The following TRIM6 variants were observed in gnomAD, a reference collection of about 807,000 sequenced individuals.
TRIM6 encodes the protein tripartite motif-containing protein 6.
A neutral mutation model predicts 51.2 loss-of-function variants in TRIM6; 43 were observed. That is an observed-to-expected ratio of 0.84 (90% CI 0.66 to 1.08). The LOEUF (loss-of-function observed/expected upper bound fraction) is 1.08, where lower values mean the gene tolerates loss of function less well. Among genes scored for constraint, TRIM6 ranks in the 50% least tolerant of loss-of-function variants. The pLI, the probability that TRIM6 is intolerant of heterozygous loss-of-function variation, is 0.00. For missense variants in TRIM6, 669 were observed against 619.0 expected, an observed-to-expected ratio of 1.08 and a Z score of -0.86; for synonymous variants, 215 against 232.4, an observed-to-expected ratio of 0.93 and a Z score of 0.68.
upstream of TRIM6, chr11:5,596,522 C>CCCCACTT (rs1847461152): frequency 1.0e-4 from 3 of 29,278 alleles, no homozygotes; most frequent in East Asian, 3.1e-3. Flanking sequence ...TTCTCCCCTT[C>CCCCACTT]CCCCCTTCCC....
intron 1 of TRIM6, among the ~76,000 whole-genome samples, chr11:5,601,802 T>G (rs946601133): frequency 6.6e-6 from 1 of 152,022 alleles, no homozygotes; most frequent in Admixed American, 6.5e-5. Context: ...GCCATTGCTG[T>G]TTCTTTGGTT....
Position 5,603,512 on chromosome 11 carries a change from A to G in TRIM6, c.284A>G (p.Asn95Ser). Residue 95 changes from asparagine to serine, a missense_variant, in exon 2 of 8, where the codon AAC becomes AGC. Coordinates refer to ENST00000380097, the MANE Select transcript of TRIM6 (RefSeq NM_001003818.3). ...TGCCAGACCAGCTACCAGCCAGGGA[A>G]CCTGCGGCCTAATCGGCATCTGGCC... ...PVCQTSYQPG[N>S]LRPNRHLANI... is the part of the protein sequence containing the mutation. The G allele has an allele frequency of 1.2e-6, 2 of 1,614,050 alleles. No individual in the cohort carries two copies. Among genetic ancestry groups the G allele is most frequent in the Non-Finnish European group, 1.7e-6 (2 of 1,179,966 alleles).
At chr11:5,604,852 A>G (rs940837904) in intron 3 of TRIM6, 8 of 505,582 alleles carry the variant, frequency 1.6e-5, no homozygotes, top group Non-Finnish European at 2.4e-5. Context: ...TAGCAGAGGA[A>G]CCATGGCTAG....
At chr11:5,608,679 A>G (rs566377089) in intron 5 of TRIM6, among the ~76,000 whole-genome samples, 5 of 151,986 alleles carry the variant, frequency 3.3e-5, no homozygotes, top group South Asian at 4.2e-4. Flanking sequence ...AGACAAAGGG[A>G]GACTCTGCCT....
intron 1 of TRIM6, among the ~76,000 whole-genome samples, chr11:5,602,541 G>A (rs1388108670): frequency 6.6e-6 from 1 of 151,940 alleles, no homozygotes; most frequent in African/African-American, 2.4e-5. Flanking sequence ...AAGCTAGTAA[G>A]TCATGCAGAT....
At chr11:5,605,189 CA>C in intron 3 of TRIM6, 147 bp from the exon 4 acceptor site, 1 of 1,072,524 alleles carries the variant, frequency 9.3e-7, no homozygotes, top group Non-Finnish European at 1.4e-6. Flanking sequence ...GAACAGGCTA[CA>C]AAGGCTTTCT....
At chr11:5,602,939 G>C (rs1418225953) in intron 1 of TRIM6, among the ~76,000 whole-genome samples, 1 of 152,150 alleles carries the variant, frequency 6.6e-6, no homozygotes, top group Non-Finnish European at 1.5e-5. Flanking sequence ...GGGTGACAGA[G>C]TGAGTCTCCA....
chr11:5,611,415 TTC>T lies in TRIM6; in HGVS notation c.*75_*76del, dbSNP rs1306237292. On this transcript the variant is annotated 3_prime_UTR_variant, in exon 8 of 8. Transcript: ENST00000380097. ...CAGCATGTGATTCTCCCTTCTGATC[TTC>T]TGTTTTTCTGTGTTCTCAATTCTTT... The T allele has an allele frequency of 1.2e-4, 141 of 1,199,988 alleles. No individual in the cohort carries two copies. The highest frequency in any genetic ancestry group is 1.4e-4 in the Non-Finnish European group (117 of 844,250). The allele number at this position is 1,199,988 out of a possible 1,614,324, so 74.3% of individuals were successfully genotyped here.
chr11:5,605,554 T>C lies in TRIM6; in HGVS notation c.821T>C (p.Met274Thr), dbSNP rs1482234057. 1 of 1,612,572 alleles carries C rather than the reference T, an allele frequency of 6.2e-7. No individual in the cohort carries two copies. The highest frequency in any genetic ancestry group is 2.2e-5 in the East Asian group (1 of 44,768). Reference protein sequence around the residue: ...DLERRCQGSTMELLQDVSDVT... With the variant: ...DLERRCQGSTTELLQDVSDVT... ...GAGCGTCGATGTCAGGGGTCAACAA[T>C]GGAGCTGCTGCAGGTAAGGCTTGTG... The change falls in exon 4 of 8, where the codon ATG (methionine) becomes ACG (threonine). Residue 274 changes from methionine (M) to threonine (T), a missense_variant. Transcript: ENST00000380097.
chr11:5,596,988 G>A, intron 1 of TRIM6, 74 bp downstream of exon 1: 7 of 1,607,010 alleles, frequency 4.4e-6, no homozygotes, highest in Non-Finnish European at 5.9e-6. Context: ...AAAGAGATAA[G>A]GTCCTTTCCC....
chr11:5,608,304 G>C, intron 4 of TRIM6, 68 bp from the exon 5 acceptor site: 1 of 1,602,508 alleles, frequency 6.2e-7, no homozygotes, highest in Non-Finnish European at 8.5e-7. Flanking sequence ...TAGGGGACAT[G>C]GAAGGAGAAA....
At chr11:5,610,366 G>A in intron 6 of TRIM6, 121 bp downstream of exon 6, 1 of 1,564,824 alleles carries the variant, frequency 6.4e-7, no homozygotes, top group Non-Finnish European at 8.7e-7. Flanking sequence ...CCAGAGGGAG[G>A]GACATAGTGT....
At chr11:5,598,309 C>T (rs1443525968) in intron 1 of TRIM6, among the ~76,000 whole-genome samples, 1 of 152,190 alleles carries the variant, frequency 6.6e-6, no homozygotes, top group Non-Finnish European at 1.5e-5. Flanking sequence ...TCCCCTCCTT[C>T]ACAATTTCTT....
Position 5,604,516 on chromosome 11 carries a change from T to C in TRIM6, c.508-18T>C, listed in dbSNP as rs1346435347. Reference sequence around the variant, plus strand: ...ACTGAAGGCTTGATCCTGCTTGACCTGATTTGTTTTCTTCAAGGAGAAGTT... The same window carrying C: ...ACTGAAGGCTTGATCCTGCTTGACCCGATTTGTTTTCTTCAAGGAGAAGTT... On this transcript the variant is annotated intron_variant, in intron 2 of 7. Coordinates refer to ENST00000380097, the MANE Select transcript of TRIM6 (RefSeq NM_001003818.3). The C allele has an allele frequency of 6.2e-6, 10 of 1,606,672 alleles. No homozygotes were observed. In the East Asian group the frequency reaches 2.2e-4, roughly 36 times the overall value.
rs368083858 is a variant in TRIM6 at position 5,610,154 on chromosome 11, C to T, written c.867C>T (p.Phe289=). Residue 289 remains phenylalanine, a synonymous_variant, in exon 6 of 8, where the codon TTC becomes TTT. Transcript: ENST00000380097. The part of the protein sequence containing the change: ...DVSDVTERSE[F]WTLRKPEALP... ...GTCCTGTCCTTTCTAGGAGTGAGTT[C>T]TGGACCCTGAGGAAGCCAGAAGCTC... 1.3e-5 allele frequency: 21 copies of T among 1,613,990 alleles called. No homozygotes were observed. Among genetic ancestry groups the T allele is most frequent in the East Asian group, 2.2e-5 (1 of 44,896 alleles).
At chr11:5,602,168 C>T (rs778881584) in intron 1 of TRIM6, among the ~76,000 whole-genome samples, 4 of 152,176 alleles carry the variant, frequency 2.6e-5, no homozygotes, top group Non-Finnish European at 4.4e-5. Context: ...AGACCGGGTG[C>T]AGTGGCTCAT....
chr11:5,596,793 C>A lies in TRIM6; in HGVS notation c.-105C>A. ...AGTTTAGATAAAAGCCGAGTGAGCGCGCTCTGTTCCTTAAGATTAGTTTAA... is the reference window on the plus strand; with the variant it reads ...AGTTTAGATAAAAGCCGAGTGAGCGAGCTCTGTTCCTTAAGATTAGTTTAA... On this transcript the variant is annotated 5_prime_UTR_variant, in exon 1 of 8. Transcript: ENST00000380097. 6.3e-7 allele frequency: 1 copy of A among 1,577,580 alleles called. No individual in the cohort carries two copies. The highest frequency in any genetic ancestry group is 8.7e-7 in the Non-Finnish European group (1 of 1,149,762).
At chr11:5,596,543 T>TTCCCCCATCCCCTC, upstream of TRIM6, 1 of 24,650 alleles carries the variant, frequency 4.1e-5, no homozygotes, top group Admixed American at 4.9e-4. Context: ...CCTTCCCCCT[T>TTCCCCCATCCCCTC]CCCCCTTCCC....
chr11:5,602,174 C>T (rs977341543), intron 1 of TRIM6, among the ~76,000 whole-genome samples: 14 of 152,190 alleles, frequency 9.2e-5, no homozygotes, highest in East Asian at 1.9e-4. Flanking sequence ...GGTGCAGTGG[C>T]TCATGCCTGT....
Sources: allele counts gnomAD v4.1 joint callset (sites outside exome capture counted in the v4.1 genomes callset), GRCh38; gene constraint gnomAD v4.1.1; transcripts MANE v1.5; gene names NCBI Gene and HGNC (gene_info 2026-07-23, HGNC 2026-07-21).